The following CARMIL1 variants were observed in gnomAD, a reference collection of about 807,000 sequenced individuals.
The protein encoded by CARMIL1 is capping protein regulator and myosin 1 linker 1, also known as F-actin-uncapping protein LRRC16A.
Under a neutral mutation model 177.1 loss-of-function variants are expected in CARMIL1, and 90 were observed. The ratio of observed to expected loss-of-function variants is 0.51; its 90% CI spans 0.43 to 0.61. The LOEUF is 0.61. Among genes scored for constraint, CARMIL1 ranks in the 20% least tolerant of loss-of-function variants. CARMIL1 has a pLI of 0.00. For synonymous variants in CARMIL1, 577 were observed against 606.2 expected (o/e 0.95, Z 0.71); for missense variants, 1,380 against 1,667.0 (o/e 0.83, Z 3.00).
At chr6:25,579,799 T>C (rs1037918475) in intron 29 of CARMIL1, among the ~76,000 whole-genome samples, 6 of 152,232 alleles carry the variant, frequency 3.9e-5, no homozygotes, top group Non-Finnish European at 8.8e-5. Context: ...AATGATATTA[T>C]TAAAACTGGC....
At chr6:25,355,010 C>G (rs1788448703) in intron 2 of CARMIL1, among the ~76,000 whole-genome samples, 1 of 152,172 alleles carries the variant, frequency 6.6e-6, no homozygotes, top group Admixed American at 6.5e-5. Context: ...GACAGAGACC[C>G]TCTTCCAAAT....
At chr6:25,543,089 G>A (rs1288723955) in intron 26 of CARMIL1, among the ~76,000 whole-genome samples, 2 of 152,132 alleles carry the variant, frequency 1.3e-5, no homozygotes, top group African/African-American at 4.8e-5. Context: ...AATAAGAAAA[G>A]GAACCTAGCA....
chr6:25,588,057 G>A (rs75865451), intron 31 of CARMIL1, among the ~76,000 whole-genome samples: 9,429 of 152,148 alleles, frequency 0.062, 385 homozygotes, highest in Non-Finnish European at 0.093. Flanking sequence ...AATTATTTAC[G>A]TAGCATTTAC....
At chr6:25,584,847 T>C (rs775753181) in intron 31 of CARMIL1, among the ~76,000 whole-genome samples, 1 of 152,202 alleles carries the variant, frequency 6.6e-6, no homozygotes, top group African/African-American at 2.4e-5. Flanking sequence ...GCTTTTGCTA[T>C]TTCCTCAAAT....
intron 32 of CARMIL1, among the ~76,000 whole-genome samples, chr6:25,600,109 G>A (rs184402593): frequency 6.5e-4 from 99 of 152,204 alleles, no homozygotes; most frequent in African/African-American, 2.2e-3. Context: ...TAATGTGTGC[G>A]TGCCTCGATT....
chr6:25,372,149 A>G (rs1790481711), intron 2 of CARMIL1, among the ~76,000 whole-genome samples: 1 of 152,212 alleles, frequency 6.6e-6, no homozygotes, highest in South Asian at 2.1e-4. Flanking sequence ...TGTTTTGGTA[A>G]CTATAACCTT....
chr6:25,567,462 C>G (rs2151208266), intron 29 of CARMIL1, among the ~76,000 whole-genome samples: 1 of 152,336 alleles, frequency 6.6e-6, no homozygotes, highest in African/African-American at 2.4e-5. Flanking sequence ...GGGTAGAGGA[C>G]TCTGCCCCTG....
At chr6:25,454,127 G>A (rs1451938247) in intron 8 of CARMIL1, among the ~76,000 whole-genome samples, 1 of 152,212 alleles carries the variant, frequency 6.6e-6, no homozygotes, top group Non-Finnish European at 1.5e-5. Flanking sequence ...CTTAGTTGGA[G>A]AATTTTCAGT....
chr6:25,593,981 G>T (rs1582469410), intron 31 of CARMIL1, among the ~76,000 whole-genome samples: 1 of 152,134 alleles, frequency 6.6e-6, no homozygotes, highest in African/African-American at 2.4e-5. Context: ...GCCAGTAATA[G>T]CATCTACTAT....
intron 36 of CARMIL1, among the ~76,000 whole-genome samples, chr6:25,617,911 G>GA (rs1048480455): frequency 1.3e-5 from 2 of 152,094 alleles, no homozygotes; most frequent in Non-Finnish European, 2.9e-5. Flanking sequence ...TTTCTAAAAA[G>GA]AAAAAATAAT....
intron 25 of CARMIL1, among the ~76,000 whole-genome samples, chr6:25,538,759 T>C (rs1475831736): frequency 1.3e-5 from 2 of 152,108 alleles, no homozygotes; most frequent in Non-Finnish European, 2.9e-5. Context: ...CCTGTGCCCC[T>C]AGAAAGTTGC....
At chr6:25,528,917 T>G in intron 24 of CARMIL1, 24 bp downstream of exon 24, 1 of 1,563,700 alleles carries the variant, frequency 6.4e-7, no homozygotes, top group Non-Finnish European at 8.7e-7. Flanking sequence ...TGCCTGTGAC[T>G]TCTCCTTCTA....
intron 29 of CARMIL1, among the ~76,000 whole-genome samples, chr6:25,565,646 A>C (rs1811492869): frequency 6.6e-6 from 1 of 152,172 alleles, no homozygotes; most frequent in Non-Finnish European, 1.5e-5. Flanking sequence ...GGAGATCGAG[A>C]CCATCCTGGT....
chr6:25,421,956 C>A (rs1225295163), intron 3 of CARMIL1, among the ~76,000 whole-genome samples: 1 of 151,128 alleles, frequency 6.6e-6, no homozygotes, highest in Non-Finnish European at 1.5e-5. Context: ...ACCAACATGG[C>A]ACATGTATAC....
chr6:25,364,090 C>T (rs1260659677), intron 2 of CARMIL1, among the ~76,000 whole-genome samples: 1 of 151,870 alleles, frequency 6.6e-6, no homozygotes, highest in Non-Finnish European at 1.5e-5. Context: ...TGACCACAGG[C>T]ATGCACTACC....
chr6:25,341,565 A>T (rs753585334), intron 2 of CARMIL1, among the ~76,000 whole-genome samples: 46 of 152,334 alleles, frequency 3.0e-4, no homozygotes, highest in Non-Finnish European at 6.3e-4. Context: ...CTCTACTAAA[A>T]ATACAAAAAT....
rs551770539 is a variant in CARMIL1 at position 25,515,446 on chromosome 6, A to T, written c.1633-229A>T. 6.6e-6 allele frequency among the ~76,000 whole-genome samples: 1 copy of T among 152,124 alleles called. No individual in the cohort carries two copies. Among genetic ancestry groups the T allele is most frequent in the Non-Finnish European group, 1.5e-5 (1 of 68,038 alleles). ...GTCTTTCCCTGGCTTCCCTTAAAAG[A>T]GAAGTGGTAGGTATTCAGCATTAAA... On this transcript the variant is annotated intron_variant, in intron 20 of 36. Transcript: ENST00000329474. This position sits in a 1 kb window ranked among gnomAD's most constrained non-coding sequence, Gnocchi z 5.0.
Position 25,554,182 on chromosome 6 carries a change from C to A in CARMIL1, c.2592+86C>A. The A allele has an allele frequency of 1.1e-6, 1 of 942,988 alleles. No homozygotes were observed. Among genetic ancestry groups the A allele is most frequent in the Non-Finnish European group, 1.7e-6 (1 of 596,764 alleles). The allele number at this position is 942,988 out of a possible 1,614,324, so 58.4% of individuals were successfully genotyped here. A position where few individuals can be genotyped will look rare whatever the true frequency, so the allele number is the denominator to read the frequency against. ...GACTTCCGGTGTGGGGATGTGATTT[C>A]TTTTCTGTATTTCACACTATTACAG... On this transcript the variant is annotated intron_variant, in intron 28 of 36. Transcript: ENST00000329474. The surrounding 1 kb of genome is among the most constrained non-coding windows in gnomAD (Gnocchi z 4.6).
At chr6:25,431,568 AATGTTT>A (rs1476374939) in intron 4 of CARMIL1, among the ~76,000 whole-genome samples, 28 of 132,926 alleles carry the variant, frequency 2.1e-4, no homozygotes, top group African/African-American at 7.4e-4. Flanking sequence ...TTAATTCAGG[AATGTTT>A]ATGTTTATGA....
Sources: allele counts gnomAD v4.1 joint callset (sites outside exome capture counted in the v4.1 genomes callset), GRCh38; gene constraint gnomAD v4.1.1; non-coding constraint Gnocchi (gnomAD v3.1); transcripts MANE v1.5; gene names NCBI Gene and HGNC (gene_info 2026-07-23, HGNC 2026-07-21).